Variants in MUSK observed in about 807,000 individuals in gnomAD.
MUSK encodes the protein muscle associated receptor tyrosine kinase, also known as muscle, skeletal receptor tyrosine-protein kinase.
MUSK carries 55 observed loss-of-function variants against 88.7 expected under a neutral mutation model. That is an observed-to-expected ratio of 0.62 (90% confidence interval 0.50 to 0.78). The LOEUF (loss-of-function observed/expected upper bound fraction) is 0.78, where lower values mean the gene tolerates loss of function less well. MUSK is among the 30% of genes least tolerant of loss of function. The pLI, the probability that MUSK is intolerant of heterozygous loss-of-function variation, is 0.00. For missense variants in MUSK, 1,015 were observed against 1,074.3 expected (o/e 0.94, Z 0.77); for synonymous variants, 387 against 391.9 (o/e 0.99, Z 0.15).
chr9:110,801,101 T>G lies in MUSK; in HGVS notation c.*113T>G. ...ACATAGGAAAGAGTAAGAGTAAACATGAGTAGTGTGTTGTTTGCTTCCCAG... is the reference window on the plus strand; with the variant it reads ...ACATAGGAAAGAGTAAGAGTAAACAGGAGTAGTGTGTTGTTTGCTTCCCAG... On this transcript the variant is annotated 3_prime_UTR_variant, in exon 15 of 15. Transcript: ENST00000374448. 1 of 952,362 alleles carries G rather than the reference T, an allele frequency of 1.1e-6. No individual in the cohort carries two copies. The highest frequency in any genetic ancestry group is 1.5e-6 in the Non-Finnish European group (1 of 681,308). The allele number at this position is 952,362 out of a possible 1,614,324, so 59.0% of individuals were successfully genotyped here.
chr9:110,800,752 C>T lies in MUSK; in HGVS notation c.2374C>T (p.Leu792Phe), dbSNP rs2078082651. 3.1e-6 allele frequency: 5 copies of T among 1,614,008 alleles called. No individual in the cohort carries two copies. The highest frequency in any genetic ancestry group is 4.2e-6 in the Non-Finnish European group (5 of 1,179,904). Residue 792 changes from leucine (L) to phenylalanine (F), a missense_variant, in exon 15 of 15, where the codon CTC becomes TTC. Transcript: ENST00000374448. ...TGATGTGTGGGCCTATGGCGTGGTC[C>T]TCTGGGAGATCTTCTCCTATGGCCT... The part of the protein sequence containing the change: ...ESDVWAYGVV[L>F]WEIFSYGLQP...
At chr9:110,730,541 A>C (rs1320198029) in intron 5 of MUSK, among the ~76,000 whole-genome samples, 1 of 152,070 alleles carries the variant, frequency 6.6e-6, no homozygotes, top group Non-Finnish European at 1.5e-5. Flanking sequence ...ATGACCTAGA[A>C]TGCATTTTCA....
At chr9:110,743,217 C>T (rs971504505) in intron 6 of MUSK, among the ~76,000 whole-genome samples, 2 of 152,184 alleles carry the variant, frequency 1.3e-5, no homozygotes, top group Non-Finnish European at 2.9e-5. Context: ...TGAACCAAAA[C>T]CCTTAACAGT....
rs967737560 is a variant in MUSK at position 110,804,296 on chromosome 9, C to T, written c.*3308C>T. ...AATTCAGAGAAAGGAAATGTCTGGA[C>T]CAAATGGCATGTACAATATTAACAC... On this transcript the variant is annotated 3_prime_UTR_variant, in exon 15 of 15. Transcript: ENST00000374448. Among the ~76,000 whole-genome samples, 2 of 151,972 alleles carry T rather than the reference C, an allele frequency of 1.3e-5. No individual in the cohort carries two copies. The highest frequency in any genetic ancestry group is 4.2e-4 in the South Asian group (2 of 4,818).
At chr9:110,708,001 C>G (rs1051748529) in intron 5 of MUSK, among the ~76,000 whole-genome samples, 1 of 152,008 alleles carries the variant, frequency 6.6e-6, no homozygotes, top group Non-Finnish European at 1.5e-5. Flanking sequence ...GCCAACAAAT[C>G]TATTCAGAAA....
At chr9:110,798,201 G>A (rs980469508) in intron 14 of MUSK, among the ~76,000 whole-genome samples, 1 of 152,128 alleles carries the variant, frequency 6.6e-6, no homozygotes, top group African/African-American at 2.4e-5. Flanking sequence ...TGGAAGAAAG[G>A]GGAATTGGGA....
intron 6 of MUSK, among the ~76,000 whole-genome samples, chr9:110,745,849 T>G (rs1021787674): frequency 1.3e-5 from 2 of 152,248 alleles, no homozygotes; most frequent in Admixed American, 6.5e-5. Context: ...TTGAGACTAG[T>G]ACTGAAGGTA....
intron 5 of MUSK, among the ~76,000 whole-genome samples, chr9:110,717,639 A>G (rs943248468): frequency 6.7e-6 from 1 of 149,950 alleles, no homozygotes; most frequent in Non-Finnish European, 1.5e-5. Flanking sequence ...ATTCAATTAG[A>G]TCTGTGAGCA....
chr9:110,692,331 A>G (rs2076368069), intron 3 of MUSK, among the ~76,000 whole-genome samples: 1 of 151,550 alleles, frequency 6.6e-6, no homozygotes, highest in Non-Finnish European at 1.5e-5. Flanking sequence ...GGCTACTTTT[A>G]TTTATTTATT....
At chr9:110,743,515 A>T (rs562005168) in intron 6 of MUSK, among the ~76,000 whole-genome samples, 1 of 152,344 alleles carries the variant, frequency 6.6e-6, no homozygotes, top group South Asian at 2.1e-4. Flanking sequence ...GCAACTAAAA[A>T]ATATAGAAAA....
chr9:110,695,330 A>G, intron 3 of MUSK, 73 bp from the exon 4 acceptor site: 1 of 1,071,902 alleles, frequency 9.3e-7, no homozygotes. Flanking sequence ...TTAGAATTAA[A>G]TTGAAAGTTA....
chr9:110,767,405 A>G (rs1300446380), intron 8 of MUSK, among the ~76,000 whole-genome samples: 1 of 152,258 alleles, frequency 6.6e-6, no homozygotes, highest in East Asian at 1.9e-4. Context: ...TAAAGCTGCA[A>G]ACTTTTTAGG....
At chr9:110,772,822 AT>A (rs1187261573) in intron 9 of MUSK, among the ~76,000 whole-genome samples, 1 of 152,014 alleles carries the variant, frequency 6.6e-6, no homozygotes, top group East Asian at 1.9e-4. Context: ...TTTGATCTTC[AT>A]TTTTTTGTTA....
At chr9:110,788,947 G>T (rs2077925043) in intron 14 of MUSK, among the ~76,000 whole-genome samples, 2 of 152,172 alleles carry the variant, frequency 1.3e-5, no homozygotes, top group African/African-American at 4.8e-5. Flanking sequence ...CATGCTTGAG[G>T]AATAGCAAGG....
chr9:110,800,422 G>A lies in MUSK; in HGVS notation c.2044G>A (p.Asp682Asn), dbSNP rs2078074213. ...CACCGTGTGCAGCCTCAGTCACAGT[G>A]ACTTGTCTATGAGGGCTCAGGTCTC... Reference protein sequence around the residue: ...PHTVCSLSHSDLSMRAQVSSP... With the variant: ...PHTVCSLSHSNLSMRAQVSSP... The change falls in exon 15 of 15, where the codon GAC (aspartate) becomes AAC (asparagine). Residue 682 changes from aspartate (D) to asparagine (N), a missense_variant. By Grantham distance (23) the Asp-to-Asn change is conservative (BLOSUM62 1). Transcript: ENST00000374448. The A allele has an allele frequency of 6.2e-7, 1 of 1,613,758 alleles. No homozygotes were observed. Among genetic ancestry groups the A allele is most frequent in the African/African-American group, 1.3e-5 (1 of 74,882 alleles).
chr9:110,683,505 G>T (rs1392973713), intron 2 of MUSK, among the ~76,000 whole-genome samples: 1 of 152,002 alleles, frequency 6.6e-6, no homozygotes, highest in African/African-American at 2.4e-5. Context: ...CAGCAGTGGG[G>T]TTGCTGGATC....
At chr9:110,775,697 A>G (rs1341268620) in intron 9 of MUSK, 91 bp from the exon 10 acceptor site, 12 of 1,186,768 alleles carry the variant, frequency 1.0e-5, no homozygotes, top group Non-Finnish European at 1.3e-5. Context: ...TACCATGATG[A>G]TGTCTTGAAA....
chr9:110,689,131 C>A (rs1311965348), intron 3 of MUSK, among the ~76,000 whole-genome samples: 2 of 125,156 alleles, frequency 1.6e-5, no homozygotes, highest in South Asian at 2.4e-4. Context: ...ATATAAACTA[C>A]ATAAATAAAC....
At chr9:110,775,586 T>C (rs2077654521) in intron 9 of MUSK, 2 of 585,556 alleles carry the variant, frequency 3.4e-6, no homozygotes, top group East Asian at 2.9e-5. Context: ...CAAAACGAGA[T>C]AGCATTTCAT....
Sources: gnomAD v4.1 joint callset for allele counts (sites outside exome capture counted in the v4.1 genomes callset) on GRCh38, gnomAD v4.1.1 for gene constraint, MANE v1.5 for transcripts, NCBI Gene and HGNC (gene_info 2026-07-23, HGNC 2026-07-21) for gene names.